The following STXBP5L variants were observed in gnomAD, a reference collection of about 807,000 sequenced individuals.
STXBP5L encodes syntaxin-binding protein 5-like.
A neutral mutation model predicts 144.5 loss-of-function variants in STXBP5L; 65 were observed. That is an observed-to-expected ratio of 0.45 (90% CI 0.37 to 0.55). STXBP5L has a LOEUF of 0.55. Ranked by LOEUF, STXBP5L falls within the 20% of genes least tolerant of loss-of-function variation. The pLI is 0.00. For missense variants in STXBP5L, 1,298 were observed against 1,405.5 expected, an observed-to-expected ratio of 0.92 and a Z score of 1.22; for synonymous variants, 505 against 469.6, an observed-to-expected ratio of 1.08 and a Z score of -0.97.
rs1708635414 is a variant in STXBP5L at position 120,908,314 on chromosome 3, G to A, written c.-29G>A. 1 of 152,380 alleles carries A rather than the reference G, an allele frequency of 6.6e-6. No homozygotes were observed. The highest frequency in any genetic ancestry group is 2.1e-4 in the South Asian group (1 of 4,844). The allele number at this position is 152,380 out of a possible 1,614,324, so 9.4% of individuals were successfully genotyped here. On this transcript the variant is annotated 5_prime_UTR_variant, in exon 1 of 27. Coordinates refer to ENST00000471454, the MANE Select transcript of STXBP5L (RefSeq NM_001308330.2). ...CCCTCAGCTTCCCGGGCTGGCAGGC[G>A]GCTAGAGGCGTCTGAGGAAGGTGCC...
At chr3:121,078,824 G>A (rs747134479) in intron 5 of STXBP5L, among the ~76,000 whole-genome samples, 34 of 152,386 alleles carry the variant, frequency 2.2e-4, no homozygotes, top group Non-Finnish European at 3.4e-4. Context: ...GCCTGGGTCC[G>A]GCAGGGCTGG....
At chr3:121,045,099 C>T (rs911034466) in intron 4 of STXBP5L, among the ~76,000 whole-genome samples, 18 of 151,952 alleles carry the variant, frequency 1.2e-4, no homozygotes, top group Admixed American at 1.1e-3. Flanking sequence ...TATGTGTAAA[C>T]AGTAGAAACA....
chr3:121,071,460 T>G (rs1164864920), intron 5 of STXBP5L, among the ~76,000 whole-genome samples: 1 of 152,192 alleles, frequency 6.6e-6, no homozygotes, highest in East Asian at 1.9e-4. Flanking sequence ...GTGTCAGCAG[T>G]GACTTGGTTT....
chr3:121,066,407 T>C (rs1416139494), intron 5 of STXBP5L, among the ~76,000 whole-genome samples: 1 of 150,960 alleles, frequency 6.6e-6, no homozygotes, highest in Non-Finnish European at 1.5e-5. Flanking sequence ...ATATATATTT[T>C]AAATCATGAA....
At chr3:121,285,395 T>G (rs1016560485) in intron 19 of STXBP5L, among the ~76,000 whole-genome samples, 1 of 152,074 alleles carries the variant, frequency 6.6e-6, no homozygotes, top group Admixed American at 6.6e-5. Flanking sequence ...TCTCTAAGTG[T>G]CTTTTTTAAA....
chr3:120,989,661 G>T (rs1028365432), intron 3 of STXBP5L, among the ~76,000 whole-genome samples: 1 of 152,092 alleles, frequency 6.6e-6, no homozygotes, highest in Middle Eastern at 3.4e-3. Flanking sequence ...TCTCTTTCCC[G>T]CTCTACTAGT....
At chr3:121,324,895 G>T (rs1332517929) in intron 20 of STXBP5L, among the ~76,000 whole-genome samples, 1 of 151,948 alleles carries the variant, frequency 6.6e-6, no homozygotes, top group African/African-American at 2.4e-5. Flanking sequence ...GGGGTCGCGG[G>T]TACGGTCAAT....
At chr3:120,928,651 TG>T in intron 2 of STXBP5L, among the ~76,000 whole-genome samples, 1 of 123,754 alleles carries the variant, frequency 8.1e-6, no homozygotes, top group South Asian at 2.5e-4. Flanking sequence ...TGTGTGTGTG[TG>T]TGTGTGTGTG....
Position 121,093,501 on chromosome 3 carries a change from G to A in STXBP5L, c.471-21424G>A, listed in dbSNP as rs191393833. ...CAACTTCTTCCTGGTTTAGTCTTGGGAGGGTATATGTGTCGAGGAATTTAT... is the reference window on the plus strand; with the variant it reads ...CAACTTCTTCCTGGTTTAGTCTTGGAAGGGTATATGTGTCGAGGAATTTAT... On this transcript the variant is annotated intron_variant, in intron 5 of 26. Coordinates refer to ENST00000471454, the MANE Select transcript of STXBP5L (RefSeq NM_001308330.2). Among the ~76,000 whole-genome samples the A allele has an allele frequency of 6.3e-3, 958 of 152,290 alleles. 7 individuals carry two copies. Among genetic ancestry groups the A allele is most frequent in the African/African-American group, 0.023 (937 of 41,556 alleles).
intron 20 of STXBP5L, among the ~76,000 whole-genome samples, chr3:121,343,471 G>T (rs1381602077): frequency 2.0e-5 from 3 of 152,148 alleles, no homozygotes; most frequent in African/African-American, 7.2e-5. Flanking sequence ...CCTGTTTGCA[G>T]ATGACATGAC....
chr3:121,388,551 T>C (rs1311156276), intron 22 of STXBP5L, among the ~76,000 whole-genome samples: 1 of 152,168 alleles, frequency 6.6e-6, no homozygotes, highest in Non-Finnish European at 1.5e-5. Context: ...GGTCGTATTA[T>C]TTTGAGATAT....
intron 9 of STXBP5L, among the ~76,000 whole-genome samples, chr3:121,174,161 G>A (rs946868622): frequency 5.9e-5 from 9 of 151,962 alleles, no homozygotes; most frequent in Admixed American, 2.6e-4. Flanking sequence ...TACCGTTATG[G>A]TTTAATACTG....
chr3:120,994,772 A>G (rs1372184155), intron 3 of STXBP5L, among the ~76,000 whole-genome samples: 2 of 151,986 alleles, frequency 1.3e-5, no homozygotes, highest in Non-Finnish European at 2.9e-5. Context: ...GGTTTTTTTA[A>G]TCAGGGTATT....
intron 2 of STXBP5L, among the ~76,000 whole-genome samples, chr3:120,919,270 C>A (rs1171461570): frequency 6.6e-6 from 1 of 152,032 alleles, no homozygotes; most frequent in Non-Finnish European, 1.5e-5. Context: ...TAAGGATTCA[C>A]TCTACAGTTA....
At chr3:121,203,347 A>T (rs2048211718) in intron 9 of STXBP5L, among the ~76,000 whole-genome samples, 2 of 152,302 alleles carry the variant, frequency 1.3e-5, no homozygotes, top group Non-Finnish European at 2.9e-5. Flanking sequence ...TTGGCCTGTC[A>T]GTAAAACCAG....
At chr3:121,325,365 TC>T (rs1391928012) in intron 20 of STXBP5L, among the ~76,000 whole-genome samples, 1 of 152,072 alleles carries the variant, frequency 6.6e-6, no homozygotes, top group Non-Finnish European at 1.5e-5. Flanking sequence ...TATGCCTTTT[TC>T]TGGTGAGAAA....
At chr3:121,189,667 CT>C (rs1370702699) in intron 9 of STXBP5L, among the ~76,000 whole-genome samples, 1 of 152,134 alleles carries the variant, frequency 6.6e-6, no homozygotes, top group Non-Finnish European at 1.5e-5. Context: ...ATGCCTCCAG[CT>C]TTTTTCTTTT....
At chr3:121,004,450 G>T (rs1171783416) in intron 3 of STXBP5L, among the ~76,000 whole-genome samples, 1 of 151,688 alleles carries the variant, frequency 6.6e-6, no homozygotes, top group African/African-American at 2.4e-5. Flanking sequence ...GAGATTTGGG[G>T]CTGAGACAAT....
At chr3:121,376,711 T>C (rs772202903) in intron 20 of STXBP5L, among the ~76,000 whole-genome samples, 2 of 152,220 alleles carry the variant, frequency 1.3e-5, no homozygotes, top group Admixed American at 6.5e-5. Context: ...GTCTTGGCTA[T>C]ATGGGCTCTT....
Sources: allele counts gnomAD v4.1 joint callset (sites outside exome capture counted in the v4.1 genomes callset), GRCh38; gene constraint gnomAD v4.1.1; transcripts MANE v1.5; gene names NCBI Gene and HGNC (gene_info 2026-07-23, HGNC 2026-07-21).